Variants in LAMC1 observed in about 807,000 individuals in gnomAD.
LAMC1 encodes the protein laminin subunit gamma 1.
A neutral mutation model predicts 173.6 loss-of-function variants in LAMC1; 38 were observed. That is an observed-to-expected ratio of 0.22 (90% CI 0.17 to 0.29). The LOEUF is 0.29. Among genes scored for constraint, LAMC1 ranks in the 10% least tolerant of loss-of-function variants. LAMC1 has a pLI of 1.00. For missense variants in LAMC1, 1,824 were observed against 2,051.8 expected (o/e 0.89, Z 2.14); for synonymous variants, 746 against 749.1 (o/e 1.00, Z 0.07).
intron 1 of LAMC1, among the ~76,000 whole-genome samples, chr1:183,034,198 A>G (rs940470199): frequency 1.3e-5 from 2 of 152,224 alleles, no homozygotes; most frequent in African/African-American, 4.8e-5. Context: ...GATACTTTTT[A>G]TATCCTAAAG....
chr1:183,056,172 T>C (rs1654591756), intron 1 of LAMC1, among the ~76,000 whole-genome samples: 1 of 152,192 alleles, frequency 6.6e-6, no homozygotes, highest in African/African-American at 2.4e-5. Flanking sequence ...CCAGCCATGC[T>C]TCAGCTGCCT....
At chr1:183,073,588 G>A (rs1655060869) in intron 1 of LAMC1, among the ~76,000 whole-genome samples, 1 of 152,172 alleles carries the variant, frequency 6.6e-6, no homozygotes, top group Non-Finnish European at 1.5e-5. Context: ...GGGCACTCAA[G>A]CCTTGAACTT....
At chr1:183,047,408 A>T (rs1392723365) in intron 1 of LAMC1, among the ~76,000 whole-genome samples, 1 of 152,110 alleles carries the variant, frequency 6.6e-6, no homozygotes. Flanking sequence ...CAGTCTTTAT[A>T]TTTTTATATC....
intron 1 of LAMC1, among the ~76,000 whole-genome samples, chr1:183,089,551 A>T (rs1655515064): frequency 6.6e-6 from 1 of 152,188 alleles, no homozygotes; most frequent in African/African-American, 2.4e-5. Flanking sequence ...TATCTGCCAA[A>T]CTCTTTACTA....
In LAMC1 at chr1:183,103,631, A is replaced by G. The variant is rs1655893670; in HGVS notation, c.722A>G (p.Gln241Arg). 4 of 1,532,842 alleles carry G rather than the reference A, an allele frequency of 2.6e-6. No homozygotes were observed. Among genetic ancestry groups the G allele is most frequent in the East Asian group, 4.5e-5 (2 of 44,154 alleles). 95.0% of individuals were successfully genotyped at this position (1,532,842 alleles called of 1,614,324 possible). A position where few individuals can be genotyped will look rare whatever the true frequency, so the allele number is the denominator to read the frequency against. ...AYNFDNSPVL[Q>R]EWVTATDIRV... is the part of the protein sequence containing the mutation. The stretch of plus-strand genomic sequence containing the variant: ...AACTTTGACAATAGCCCTGTGCTGC[A>G]GGTAAATTCTCACAGGTTGGCCTGA... The change falls in exon 2 of 28, where the codon CAG becomes CGG. Residue 241 changes from glutamine (Q) to arginine (R), a missense_variant and splice_region_variant. Coordinates refer to ENST00000258341, the MANE Select transcript of LAMC1 (RefSeq NM_002293.4).
intron 1 of LAMC1, among the ~76,000 whole-genome samples, chr1:183,098,966 T>G (rs534429764): frequency 6.6e-6 from 1 of 152,300 alleles, no homozygotes; most frequent in African/African-American, 2.4e-5. Flanking sequence ...AGAAAAGTCT[T>G]TCCTTGGCCC....
intron 1 of LAMC1, among the ~76,000 whole-genome samples, chr1:183,077,020 A>G (rs957934050): frequency 1.3e-5 from 2 of 152,214 alleles, no homozygotes; most frequent in Non-Finnish European, 2.9e-5. Flanking sequence ...GAAGTAGCCA[A>G]GATTGCGTTT....
rs755766322 is a variant in LAMC1 at position 183,142,586 on chromosome 1, A to G, written c.4626A>G (p.Leu1542=). ...AGCTAAACGAGATTGAAGGCACCCT[A>G]AACAAAGCCAAAGATGAAATGAAGG... is the stretch of plus-strand genomic sequence containing the variant. ...LNKLNEIEGT[L]NKAKDEMKVS... is the part of the protein sequence containing the mutation. Residue 1542 remains leucine (L), a synonymous_variant, in exon 28 of 28, where the codon CTA becomes CTG. Coordinates refer to ENST00000258341, the MANE Select transcript of LAMC1 (RefSeq NM_002293.4). 3.1e-6 allele frequency: 5 copies of G among 1,614,082 alleles called. No individual in the cohort carries two copies. In the East Asian group the frequency reaches 6.7e-5, roughly 22 times the overall value.
Position 183,110,634 on chromosome 1 carries a change from A to G in LAMC1, c.1001A>G (p.Glu334Gly), listed in dbSNP as rs1420579451. The G allele has an allele frequency of 6.2e-7, 1 of 1,613,862 alleles. No individual in the cohort carries two copies. Residue 334 changes from glutamate (E) to glycine (G), a missense_variant, in exon 4 of 28, where the codon GAA (glutamate) becomes GGA (glycine). Coordinates refer to ENST00000258341, the MANE Select transcript of LAMC1 (RefSeq NM_002293.4). ...CGGCCGTGGAGGAGGGCAACTGCGG[A>G]AAGTGCCAGTGAATGCCTGCGTGAG... is the stretch of plus-strand genomic sequence containing the variant. ...NDRPWRRATA[E>G]SASECLPCDC... is the part of the protein sequence containing the mutation.
intron 1 of LAMC1, among the ~76,000 whole-genome samples, chr1:183,037,846 C>A (rs1400648919): frequency 6.6e-6 from 1 of 152,082 alleles, no homozygotes; most frequent in Non-Finnish European, 1.5e-5. Flanking sequence ...ACCACTACTT[C>A]TAGAACTTAA....
intron 1 of LAMC1, among the ~76,000 whole-genome samples, chr1:183,044,830 CT>C (rs1654224495): frequency 1.3e-5 from 2 of 151,726 alleles, no homozygotes; most frequent in Admixed American, 6.6e-5. Flanking sequence ...AGTTAAATAC[CT>C]TTCTTTTTTT....
intron 1 of LAMC1, among the ~76,000 whole-genome samples, chr1:183,095,774 A>G (rs183345129): frequency 7.4e-4 from 112 of 152,344 alleles, no homozygotes; most frequent in Admixed American, 2.7e-3. Flanking sequence ...TTAATAAGGC[A>G]TATTCCCCAG....
chr1:183,142,033 T>C (rs1657127162), intron 27 of LAMC1, among the ~76,000 whole-genome samples: 1 of 152,202 alleles, frequency 6.6e-6, no homozygotes, highest in African/African-American at 2.4e-5. Flanking sequence ...CCATTTTCCA[T>C]AGGAAGGCTC....
chr1:183,079,066 G>T (rs1351588729), intron 1 of LAMC1, among the ~76,000 whole-genome samples: 3 of 151,810 alleles, frequency 2.0e-5, no homozygotes, highest in Non-Finnish European at 2.9e-5. Flanking sequence ...CTGCTCTCTG[G>T]GAGAGAGAGT....
intron 1 of LAMC1, among the ~76,000 whole-genome samples, chr1:183,032,252 T>G (rs911521675): frequency 6.6e-6 from 1 of 152,202 alleles, no homozygotes; most frequent in Non-Finnish European, 1.5e-5. Context: ...TCTTAGACAA[T>G]GGCACCCTCA....
chr1:183,063,551 A>G (rs762917218), intron 1 of LAMC1, among the ~76,000 whole-genome samples: 1 of 152,338 alleles, frequency 6.6e-6, no homozygotes, highest in Non-Finnish European at 1.5e-5. Context: ...CTAACTGACC[A>G]CTAGAACATG....
Position 183,121,810 on chromosome 1 carries a change from C to G in LAMC1, c.2078C>G (p.Pro693Arg). 6.2e-7 allele frequency: 1 copy of G among 1,614,132 alleles called. No individual in the cohort carries two copies. The highest frequency in any genetic ancestry group is 8.5e-7 in the Non-Finnish European group (1 of 1,180,026). Residue 693 changes from proline to arginine, a missense_variant, in exon 12 of 28, where the codon CCT (proline) becomes CGT (arginine). Physicochemically the swap from Pro to Arg is moderately radical, Grantham distance 103. Transcript: ENST00000258341. ...ACTTGGGTGGAGTCCTGCACCTGTC[C>G]TGTGGGATATGGAGGGCAGTTTTGT... is the stretch of plus-strand genomic sequence containing the variant. The part of the protein sequence containing the change: ...PATWVESCTC[P>R]VGYGGQFCEM...
intron 1 of LAMC1, among the ~76,000 whole-genome samples, chr1:183,047,181 A>G (rs938675084): frequency 6.6e-6 from 1 of 152,142 alleles, no homozygotes; most frequent in Non-Finnish European, 1.5e-5. Flanking sequence ...TGTTTGATGC[A>G]ATAAGTGGTA....
At chr1:183,057,351 C>G (rs1479227191) in intron 1 of LAMC1, among the ~76,000 whole-genome samples, 1 of 152,224 alleles carries the variant, frequency 6.6e-6, no homozygotes, top group African/African-American at 2.4e-5. Flanking sequence ...ACTCCCTTTG[C>G]TATCTTTGAT....
Sources: allele counts gnomAD v4.1 joint callset (sites outside exome capture counted in the v4.1 genomes callset), GRCh38; gene constraint gnomAD v4.1.1; transcripts MANE v1.5; gene names NCBI Gene and HGNC (gene_info 2026-07-23, HGNC 2026-07-21).